The following PSMA1 variants were observed in gnomAD, a reference collection of about 807,000 sequenced individuals.
PSMA1 encodes the protein proteasome subunit alpha type-1.
In PSMA1, 3 loss-of-function variants were observed where a neutral mutation model predicts 38.4. The observed-to-expected ratio is 0.08, with a 90% CI of 0.04 to 0.20. PSMA1 has a LOEUF of 0.20. PSMA1 is among the 10% of genes least tolerant of loss of function. The pLI, the probability that PSMA1 is intolerant of heterozygous loss-of-function variation, is 1.00. For synonymous variants in PSMA1, 101 were observed against 107.1 expected (o/e 0.94, Z 0.35); for missense variants, 227 against 325.3 (o/e 0.70, Z 2.32).
At chr11:14,512,628 C>T (rs965172209) in intron 7 of PSMA1, among the ~76,000 whole-genome samples, 1 of 152,146 alleles carries the variant, frequency 6.6e-6, no homozygotes, top group Non-Finnish European at 1.5e-5. Context: ...CATATTGCTG[C>T]AAGTGTACTC....
chr11:14,540,700 AAAG>A (rs1288049686), intron 2 of PSMA1, among the ~76,000 whole-genome samples: 7 of 152,222 alleles, frequency 4.6e-5, no homozygotes, highest in Admixed American at 6.5e-5. Flanking sequence ...AAGCCCAGTT[AAAG>A]AAGAAGATTG....
intron 2 of PSMA1, among the ~76,000 whole-genome samples, chr11:14,538,734 G>C (rs1851738598): frequency 6.6e-6 from 1 of 152,246 alleles, no homozygotes; most frequent in Non-Finnish European, 1.5e-5. Context: ...GAGTGTGTGT[G>C]GGCAGCTTGC....
In PSMA1 at chr11:14,535,385, A is replaced by G. The variant is rs1851692618; in HGVS notation, c.22-16344T>C. Reference sequence around the variant, plus strand: ...AAGCAATTATTACAGACTGTCATCTAGATAGTTGAGTAACAATGAATCTTA... The same window carrying G: ...AAGCAATTATTACAGACTGTCATCTGGATAGTTGAGTAACAATGAATCTTA... On this transcript the variant is annotated intron_variant, in intron 2 of 10. Coordinates refer to the PSMA1 transcript ENST00000418988. Among the ~76,000 whole-genome samples, 3 of 151,998 alleles carry G rather than the reference A, an allele frequency of 2.0e-5. No homozygotes were observed. The South Asian group carries it at 6.2e-4, about 31-fold the overall frequency.
upstream of PSMA1, among the ~76,000 whole-genome samples, chr11:14,524,814 C>T (rs551993412): frequency 1.3e-5 from 2 of 152,306 alleles, no homozygotes; most frequent in East Asian, 3.9e-4. Flanking sequence ...GCCCAAGGAA[C>T]ATCTCACCGA....
chr11:14,630,038 T>G (rs1364301570), intron 1 of PSMA1, among the ~76,000 whole-genome samples: 3 of 151,744 alleles, frequency 2.0e-5, no homozygotes, highest in Non-Finnish European at 4.4e-5. Context: ...TTGCTGAAGT[T>G]GCTTATCAGC....
At chr11:14,535,033 C>G (rs530983064) in intron 2 of PSMA1, among the ~76,000 whole-genome samples, 1 of 152,246 alleles carries the variant, frequency 6.6e-6, no homozygotes, top group Admixed American at 6.5e-5. Flanking sequence ...GAGATTGCAC[C>G]ACTGCAATCC....
At chr11:14,575,061 T>C (rs888385363) in intron 2 of PSMA1, among the ~76,000 whole-genome samples, 5 of 152,054 alleles carry the variant, frequency 3.3e-5, no homozygotes, top group Non-Finnish European at 7.4e-5. Context: ...ATATGGACAA[T>C]GAAGTCCCAG....
chr11:14,532,981 CTG>C (rs1423415350), intron 2 of PSMA1, among the ~76,000 whole-genome samples: 1 of 152,148 alleles, frequency 6.6e-6, no homozygotes, highest in African/African-American at 2.4e-5. Context: ...GTGAAACTTA[CTG>C]TGTTTTTTCC....
intron 1 of PSMA1, among the ~76,000 whole-genome samples, chr11:14,613,953 T>C (rs918794542): frequency 3.3e-5 from 5 of 152,238 alleles, no homozygotes; most frequent in African/African-American, 1.2e-4. Context: ...CATTTATCCT[T>C]CTACCTATCC....
At chr11:14,631,781 T>C (rs1475215783) in intron 1 of PSMA1, among the ~76,000 whole-genome samples, 3 of 152,110 alleles carry the variant, frequency 2.0e-5, no homozygotes, top group Non-Finnish European at 4.4e-5. Flanking sequence ...AAATCTCCCA[T>C]TATTAATGTG....
chr11:14,551,131 C>G (rs1046719505), intron 2 of PSMA1, among the ~76,000 whole-genome samples: 4 of 152,160 alleles, frequency 2.6e-5, no homozygotes, highest in African/African-American at 9.7e-5. Context: ...ATTAACTAGT[C>G]TTCAAATACT....
At chr11:14,542,129 T>C (rs959139540) in intron 2 of PSMA1, among the ~76,000 whole-genome samples, 7 of 152,200 alleles carry the variant, frequency 4.6e-5, no homozygotes, top group African/African-American at 1.7e-4. Flanking sequence ...AAATTCTCTA[T>C]ACCATGGTTA....
At chr11:14,638,279 A>G (rs528046054) in intron 1 of PSMA1, among the ~76,000 whole-genome samples, 1 of 152,212 alleles carries the variant, frequency 6.6e-6, no homozygotes, top group African/African-American at 2.4e-5. Flanking sequence ...ACACACACGA[A>G]GTCACATTAT....
upstream of PSMA1, among the ~76,000 whole-genome samples, chr11:14,524,741 C>T (rs1248150329): frequency 6.6e-6 from 1 of 152,150 alleles, no homozygotes; most frequent in African/African-American, 2.4e-5. Flanking sequence ...GAGACCAGTC[C>T]GCTGTCCTCA....
chr11:14,581,550 C>T (rs1852281817), intron 2 of PSMA1, among the ~76,000 whole-genome samples: 1 of 152,084 alleles, frequency 6.6e-6, no homozygotes, highest in Non-Finnish European at 1.5e-5. Flanking sequence ...TATGTTATAA[C>T]TATTCAGAGG....
At chr11:14,553,422 A>T (rs1307059864) in intron 2 of PSMA1, among the ~76,000 whole-genome samples, 1 of 152,160 alleles carries the variant, frequency 6.6e-6, no homozygotes, top group Non-Finnish European at 1.5e-5. Flanking sequence ...CAAGATACAG[A>T]ACTGTTTTAT....
At position 14,557,744 on chromosome 11, in the gene PSMA1, G is replaced by C. The variant is rs565292784; in HGVS notation, c.22-38703C>G. Among the ~76,000 whole-genome samples the C allele has an allele frequency of 9.2e-5, 14 of 152,244 alleles. No homozygotes were observed. In the South Asian group the frequency reaches 2.9e-3, roughly 32 times the overall value. ...GAGCGTTTGACCCAGCCTTTCATGAGAATAAACCTTCAGGCTTTTTCCTGG... is the reference window on the plus strand; with the variant it reads ...GAGCGTTTGACCCAGCCTTTCATGACAATAAACCTTCAGGCTTTTTCCTGG... On this transcript the variant is annotated intron_variant, in intron 2 of 10. Coordinates refer to the PSMA1 transcript ENST00000418988.
chr11:14,626,829 G>A (rs1852918257), intron 1 of PSMA1, among the ~76,000 whole-genome samples: 1 of 152,170 alleles, frequency 6.6e-6, no homozygotes, highest in Non-Finnish European at 1.5e-5. Flanking sequence ...AATAGCTTAG[G>A]ATAAGCAGGA....
chr11:14,634,274 A>G (rs529570451), intron 1 of PSMA1, among the ~76,000 whole-genome samples: 3 of 152,250 alleles, frequency 2.0e-5, no homozygotes, highest in African/African-American at 7.2e-5. Flanking sequence ...TGGATATTCC[A>G]TTTTGTATTA....
Sources: allele counts gnomAD v4.1 joint callset (sites outside exome capture counted in the v4.1 genomes callset), GRCh38; gene constraint gnomAD v4.1.1; transcripts MANE v1.5; gene names NCBI Gene and HGNC (gene_info 2026-07-23, HGNC 2026-07-21).